PDGFRL: variants seen among roughly 807,000 people sequenced by gnomAD.
PDGFRL encodes the protein platelet-derived growth factor receptor-like protein.
In PDGFRL, 46 loss-of-function variants were observed where a neutral mutation model predicts 37.2. The observed-to-expected ratio is 1.24, with a 90% CI of 0.98 to 1.58. PDGFRL has a LOEUF of 1.58. PDGFRL is among the 40% of genes most tolerant of loss of function. The probability of loss-of-function intolerance (pLI) is 0.00; values close to 1 mark genes in which losing one functional copy is unlikely to be tolerated. For missense variants in PDGFRL, 692 were observed against 467.6 expected, an observed-to-expected ratio of 1.48 and a Z score of -4.43; for synonymous variants, 251 against 184.3, an observed-to-expected ratio of 1.36 and a Z score of -2.93.
chr8:17,589,601 G>T lies in PDGFRL; in HGVS notation c.189G>T (p.Lys63Asn). 6.2e-7 allele frequency: 1 copy of T among 1,614,008 alleles called. No homozygotes were observed. Among genetic ancestry groups the T allele is most frequent in the Middle Eastern group, 1.7e-4 (1 of 6,060 alleles). The stretch of plus-strand genomic sequence containing the variant: ...GGGACTCAGCCAATTCAGCACCAAA[G>T]ACGCAGTCTATCATGATGCAAGTGC... ...KDRDSANSAPKTQSIMMQVLD... is the reference protein window; with the variant it reads ...KDRDSANSAPNTQSIMMQVLD... Residue 63 changes from lysine (K) to asparagine (N), a missense_variant, in exon 2 of 6, where the codon AAG becomes AAT. Transcript: ENST00000251630.
chr8:17,641,726 T>A (rs1346200579), intron 5 of PDGFRL, among the ~76,000 whole-genome samples: 1 of 152,164 alleles, frequency 6.6e-6, no homozygotes, highest in Non-Finnish European at 1.5e-5. Flanking sequence ...AGAAGAGATT[T>A]GGCCTCCACA....
chr8:17,633,044 G>A (rs1249125193), intron 4 of PDGFRL, among the ~76,000 whole-genome samples: 1 of 151,972 alleles, frequency 6.6e-6, no homozygotes, highest in Admixed American at 6.6e-5. Context: ...TCAGTGTCCC[G>A]CCCCTTTGCT....
chr8:17,622,404 GTAGA>G (rs1563524065), intron 3 of PDGFRL, among the ~76,000 whole-genome samples: 3 of 151,920 alleles, frequency 2.0e-5, no homozygotes, highest in Admixed American at 1.3e-4. Context: ...CCTTTCAGAC[GTAGA>G]CCTAGACATA....
chr8:17,621,012 G>T, intron 2 of PDGFRL, 39 bp from the exon 3 acceptor site: 1 of 1,543,706 alleles, frequency 6.5e-7, no homozygotes, highest in Non-Finnish European at 8.8e-7. Flanking sequence ...CCCCAGCCAG[G>T]TCTGACTTGC....
intron 1 of PDGFRL, among the ~76,000 whole-genome samples, 174 bp from the exon 2 acceptor site, chr8:17,589,294 G>A (rs116079774): frequency 0.02 from 3,082 of 151,978 alleles, 107 homozygotes; most frequent in African/African-American, 0.07. Context: ...GCTCAGGCAA[G>A]AGAATCACTT....
intron 1 of PDGFRL, 112 bp downstream of exon 1, chr8:17,577,419 C>G (rs1315586620): frequency 1.1e-6 from 1 of 894,320 alleles, no homozygotes; most frequent in Non-Finnish European, 1.8e-6. Flanking sequence ...CCCTCGGTGG[C>G]TCAGCCCCCG....
rs761883365 is a variant in PDGFRL, at chr8:17,628,676, T to G, written c.695T>G (p.Val232Gly). The change falls in exon 4 of 6, where the codon GTG becomes GGG. Residue 232 changes from valine (V) to glycine (G), a missense_variant. Physicochemically the swap from Val to Gly is moderately radical, Grantham distance 109 (BLOSUM62 -3). Transcript: ENST00000251630. ...GTTTATGACATGAAGCGGGGCTTTG[T>G]GTATCTGCAACCTCATTCCGAGCAC... ...DIVYDMKRGF[V>G]YLQPHSEHQG... The G allele has an allele frequency of 6.2e-7, 1 of 1,614,096 alleles. No homozygotes were observed. The highest frequency in any genetic ancestry group is 8.5e-7 in the Non-Finnish European group (1 of 1,179,956).
At chr8:17,621,270 C>T (rs539055438) in intron 3 of PDGFRL, 68 bp downstream of exon 3, 6 of 1,041,424 alleles carry the variant, frequency 5.8e-6, no homozygotes, top group East Asian at 5.1e-5. Context: ...GAAGGTTCCC[C>T]CACTGCATGC....
At chr8:17,602,909 C>T (rs79103929) in intron 2 of PDGFRL, among the ~76,000 whole-genome samples, 6 of 152,272 alleles carry the variant, frequency 3.9e-5, no homozygotes, top group Admixed American at 3.3e-4. Context: ...GCCTTTCAGG[C>T]TACGTAGTGG....
intron 2 of PDGFRL, among the ~76,000 whole-genome samples, chr8:17,595,287 G>A (rs1396981740): frequency 6.6e-6 from 1 of 152,064 alleles, no homozygotes; most frequent in African/African-American, 2.4e-5. Context: ...CCATTAGCCT[G>A]GCGTTCAAAG....
intron 1 of PDGFRL, among the ~76,000 whole-genome samples, chr8:17,585,282 C>T (rs1803791232): frequency 6.6e-6 from 1 of 152,092 alleles, no homozygotes; most frequent in Non-Finnish European, 1.5e-5. Flanking sequence ...CTGTCTCATC[C>T]TGTGACGAAT....
In PDGFRL at chr8:17,581,857, CA is replaced by C. The variant is rs575958602; in HGVS notation, c.55+4552del. Among the ~76,000 whole-genome samples the C allele has an allele frequency of 1.3e-3, 198 of 152,172 alleles. 1 individual carries two copies. The highest frequency in any genetic ancestry group is 4.7e-3 in the African/African-American group (194 of 41,502). ...CCCAGCCCTACGTATTCCTCTATAG[CA>C]ATGCGAAATGAACTAACACAGAAAA... On this transcript the variant is annotated intron_variant, in intron 1 of 5. Transcript: ENST00000251630.
chr8:17,617,036 G>A (rs1171271246), intron 2 of PDGFRL, among the ~76,000 whole-genome samples: 3 of 152,182 alleles, frequency 2.0e-5, no homozygotes, highest in Non-Finnish European at 1.5e-5. Flanking sequence ...GAGCAGCCTG[G>A]GCTAAATACA....
rs747136142 is a variant in PDGFRL at position 17,577,220 on chromosome 8, C to A, written c.-33C>A. The A allele has an allele frequency of 6.2e-7, 1 of 1,604,588 alleles. No homozygotes were observed. Among genetic ancestry groups the A allele is most frequent in the Non-Finnish European group, 8.5e-7 (1 of 1,175,652 alleles). The stretch of plus-strand genomic sequence containing the variant: ...GCGTCCCCGCCCCGCGCAGCCGCCG[C>A]GCTCCTGCGCTCCGAGGTCCGAGGT... On this transcript the variant is annotated 5_prime_UTR_variant, in exon 1 of 6. Coordinates refer to ENST00000251630, the MANE Select transcript of PDGFRL (RefSeq NM_001372073.1).
chr8:17,598,964 T>C (rs767625896), intron 2 of PDGFRL, among the ~76,000 whole-genome samples: 17 of 152,300 alleles, frequency 1.1e-4, no homozygotes, highest in South Asian at 6.2e-4. Flanking sequence ...GTGAATCCAT[T>C]CAACTTCTTT....
chr8:17,589,437 C>T (rs1475172900), intron 1 of PDGFRL, 31 bp from the exon 2 acceptor site: 2 of 1,533,664 alleles, frequency 1.3e-6, no homozygotes, highest in Non-Finnish European at 1.8e-6. Flanking sequence ...GTCATTACTA[C>T]AGCGCATTTC....
At chr8:17,622,951 T>C (rs980953289) in intron 3 of PDGFRL, among the ~76,000 whole-genome samples, 2 of 152,172 alleles carry the variant, frequency 1.3e-5, no homozygotes, top group African/African-American at 4.8e-5. Context: ...ACTGGGGGTA[T>C]GTTTAGGCAA....
At chr8:17,627,701 C>G (rs1038545251) in intron 3 of PDGFRL, among the ~76,000 whole-genome samples, 2 of 151,494 alleles carry the variant, frequency 1.3e-5, no homozygotes, top group East Asian at 1.9e-4. Flanking sequence ...GTCTTGAACT[C>G]CTGAGCTCAG....
intron 1 of PDGFRL, among the ~76,000 whole-genome samples, chr8:17,579,712 G>C (rs1249198833): frequency 6.6e-6 from 1 of 151,996 alleles, no homozygotes; most frequent in Non-Finnish European, 1.5e-5. Flanking sequence ...AGACTTCCCT[G>C]CAAGTGTGTA....
Sources: gnomAD v4.1 joint callset for allele counts (sites outside exome capture counted in the v4.1 genomes callset) on GRCh38, gnomAD v4.1.1 for gene constraint, MANE v1.5 for transcripts, NCBI Gene and HGNC (gene_info 2026-07-23, HGNC 2026-07-21) for gene names.